The following HOATZ variants were observed in gnomAD, a reference collection of about 807,000 sequenced individuals.
The protein encoded by HOATZ is HOATZ cilia and flagella associated protein.
In HOATZ, 26 loss-of-function variants were observed where a neutral mutation model predicts 24.9. The ratio of observed to expected loss-of-function variants is 1.04; its 90% CI spans 0.76 to 1.45. The LOEUF is 1.45. Among genes scored for constraint, HOATZ ranks in the 40% most tolerant of loss-of-function variants. The pLI is 0.00. For synonymous variants in HOATZ, 83 were observed against 76.6 expected, an observed-to-expected ratio of 1.08 and a Z score of -0.43; for missense variants, 226 against 201.5, an observed-to-expected ratio of 1.12 and a Z score of -0.74.
At chr11:111,516,759 T>C (rs1187236640) in intron 3 of HOATZ, among the ~76,000 whole-genome samples, 2 of 152,116 alleles carry the variant, frequency 1.3e-5, no homozygotes, top group Non-Finnish European at 2.9e-5. Flanking sequence ...TAGAATTAAT[T>C]GTCTTAATAG....
chr11:111,525,125 C>T (rs533672877), intron 3 of HOATZ, among the ~76,000 whole-genome samples: 1 of 152,178 alleles, frequency 6.6e-6, no homozygotes, highest in South Asian at 2.1e-4. Context: ...CCCACCTCGG[C>T]CTCCCAAAGT....
At chr11:111,534,516 G>A (rs1591559283) in intron 5 of HOATZ, 52 bp downstream of exon 5, 1 of 1,359,874 alleles carries the variant, frequency 7.4e-7, no homozygotes. Context: ...TTACTGTGTA[G>A]GGAAGCATTT....
Position 111,519,683 on chromosome 11 carries a change from G to A in HOATZ, c.339+3573G>A, listed in dbSNP as rs1013125108. 4.6e-5 allele frequency among the ~76,000 whole-genome samples: 7 copies of A among 152,180 alleles called. No individual in the cohort carries two copies. The East Asian group carries it at 1.2e-3, about 25-fold the overall frequency. ...AGGGGAGGGTATCTTTTTAACTAAC[G>A]AAGCATTTACAATGATCTATTTAAG... On this transcript the variant is annotated intron_variant, in intron 3 of 5. Transcript: ENST00000375618.
intron 3 of HOATZ, among the ~76,000 whole-genome samples, chr11:111,531,409 G>A (rs955518343): frequency 6.6e-6 from 1 of 152,130 alleles, no homozygotes; most frequent in Admixed American, 6.6e-5. Flanking sequence ...AGACATGGTG[G>A]CAACTAAGAG....
intron 3 of HOATZ, among the ~76,000 whole-genome samples, chr11:111,516,524 C>T (rs1867202411): frequency 6.7e-6 from 1 of 149,970 alleles, no homozygotes; most frequent in Admixed American, 6.6e-5. Flanking sequence ...GCCTGGGCTA[C>T]ATAGTAAGAC....
At chr11:111,515,071 A>G in intron 1 of HOATZ, 61 bp downstream of exon 1, 2 of 1,193,744 alleles carry the variant, frequency 1.7e-6, no homozygotes, top group Non-Finnish European at 2.5e-6. Context: ...GCCTGCAGGT[A>G]CCAGAGCCCT....
Position 111,533,763 on chromosome 11 carries a change from G to T in HOATZ, c.357G>T (p.Glu119Asp). 6.3e-7 allele frequency: 1 copy of T among 1,581,258 alleles called. No homozygotes were observed. The highest frequency in any genetic ancestry group is 1.9e-5 in the Admixed American group (1 of 52,900). The change falls in exon 4 of 6, where the codon GAG (glutamate) becomes GAT (aspartate). Residue 119 changes from glutamate (E) to aspartate (D), a missense_variant. Transcript: ENST00000375618. ...KYLQKAKTREEILQLLRKQRE... is the reference protein window; with the variant it reads ...KYLQKAKTREDILQLLRKQRE... Reference sequence around the variant, plus strand: ...TTAAACAGGCTAAAACAAGAGAAGAGATTCTCCAACTCTTAAGAAAACAAA... The same window carrying T: ...TTAAACAGGCTAAAACAAGAGAAGATATTCTCCAACTCTTAAGAAAACAAA...
At chr11:111,517,925 C>G (rs1444107295) in intron 3 of HOATZ, among the ~76,000 whole-genome samples, 1 of 152,012 alleles carries the variant, frequency 6.6e-6, no homozygotes, top group Non-Finnish European at 1.5e-5. Context: ...AGATCAAGGC[C>G]AAACTCCTTA....
chr11:111,523,673 A>G (rs896388544), intron 3 of HOATZ, among the ~76,000 whole-genome samples: 1 of 152,128 alleles, frequency 6.6e-6, no homozygotes, highest in Admixed American at 6.5e-5. Flanking sequence ...CTTCAGTGCA[A>G]TTCATATTAC....
At position 111,533,761 on chromosome 11, in the gene HOATZ, G is replaced by T; in HGVS notation, c.355G>T (p.Glu119Ter). 2 of 1,581,094 alleles carry T rather than the reference G, an allele frequency of 1.3e-6. No individual in the cohort carries two copies. The highest frequency in any genetic ancestry group is 8.5e-7 in the Non-Finnish European group (1 of 1,170,076). Residue 119 changes from glutamate (E) to a stop codon, truncating the protein, a stop_gained, in exon 4 of 6, where the codon GAG becomes TAG. Transcript: ENST00000375618. LOFTEE classifies it high-confidence loss of function. Reference protein sequence around the residue: ...KYLQKAKTREEILQLLRKQRE... With the variant: ...KYLQKAKTRE ...CTTTAAACAGGCTAAAACAAGAGAA[G>T]AGATTCTCCAACTCTTAAGAAAACA...
rs751841324 is a variant in HOATZ at position 111,514,948 on chromosome 11, T to A, written c.164T>A (p.Val55Glu). ...SMYPPSESQLVLRRDSSQRLP... is the reference protein window; with the variant it reads ...SMYPPSESQLELRRDSSQRLP... ...TATCCCCCTAGCGAATCTCAGCTGG[T>A]GCTGCGCAGAGACAGCAGTCAGCGT... The change falls in exon 1 of 6, where the codon GTG becomes GAG. Residue 55 changes from valine (V) to glutamate (E), a missense_variant. Physicochemically the swap from Val to Glu is moderately radical, Grantham distance 121 (BLOSUM62 -2). Coordinates refer to ENST00000375618, the MANE Select transcript of HOATZ (RefSeq NM_001100388.2). The A allele has an allele frequency of 3.8e-5, 61 of 1,613,814 alleles. No homozygotes were observed. The highest frequency in any genetic ancestry group is 4.1e-5 in the Non-Finnish European group (48 of 1,180,044).
intron 3 of HOATZ, among the ~76,000 whole-genome samples, chr11:111,530,486 AT>A (rs1183662683): frequency 8.5e-5 from 13 of 152,222 alleles, no homozygotes; most frequent in African/African-American, 2.7e-4. Flanking sequence ...TTAAATGTAT[AT>A]GTTATATCAC....
chr11:111,519,179 G>A, intron 3 of HOATZ: 1 of 338,572 alleles, frequency 3.0e-6, no homozygotes, highest in East Asian at 7.5e-5. Context: ...TCCTCATAGA[G>A]TGATGTAAGG....
At chr11:111,529,981 T>C (rs1337887938) in intron 3 of HOATZ, among the ~76,000 whole-genome samples, 1 of 152,204 alleles carries the variant, frequency 6.6e-6, no homozygotes, top group Non-Finnish European at 1.5e-5. Flanking sequence ...ATCGTAAGAA[T>C]TCCTTCATGC....
chr11:111,535,671 T>A (rs1446015877), intron 5 of HOATZ: 1 of 152,282 alleles, frequency 6.6e-6, no homozygotes, highest in African/African-American at 2.4e-5. Flanking sequence ...TCTTCTTTTT[T>A]TTTTTGAGAC....
intron 3 of HOATZ, among the ~76,000 whole-genome samples, chr11:111,531,355 C>T (rs1445718694): frequency 6.6e-6 from 1 of 152,132 alleles, no homozygotes; most frequent in African/African-American, 2.4e-5. Flanking sequence ...CAAAGCACTG[C>T]TAAGCTCTAA....
At chr11:111,529,812 T>C (rs528956608) in intron 3 of HOATZ, among the ~76,000 whole-genome samples, 1 of 152,290 alleles carries the variant, frequency 6.6e-6, no homozygotes, top group East Asian at 1.9e-4. Flanking sequence ...TATAATTGAA[T>C]ATTAACTGAA....
At chr11:111,523,205 CTTTTTTTTTT>C (rs747393521) in intron 3 of HOATZ, among the ~76,000 whole-genome samples, 5 of 94,272 alleles carry the variant, frequency 5.3e-5, no homozygotes, top group South Asian at 7.2e-4. Context: ...TAAGTGTTCA[CTTTTTTTTTT>C]TTTTTTTTTT....
intron 3 of HOATZ, among the ~76,000 whole-genome samples, chr11:111,516,546 CAAA>C (rs111862347): frequency 3.2e-5 from 4 of 124,928 alleles, no homozygotes; most frequent in Non-Finnish European, 7.0e-5. Context: ...TCTAACTCTA[CAAA>C]AAAAAAAAAA....
Sources: gnomAD v4.1 joint callset for allele counts (sites outside exome capture counted in the v4.1 genomes callset) on GRCh38, gnomAD v4.1.1 for gene constraint, MANE v1.5 for transcripts, NCBI Gene and HGNC (gene_info 2026-07-23, HGNC 2026-07-21) for gene names.